Variants in USH2A observed in about 807,000 individuals in gnomAD.
USH2A encodes Usher syndrome 2A (autosomal recessive, mild).
In USH2A, 443 loss-of-function variants were observed where a neutral mutation model predicts 538.9. The observed-to-expected ratio is 0.82, with a 90% CI of 0.76 to 0.89. USH2A has a LOEUF of 0.89. Among genes scored for constraint, USH2A ranks in the 40% least tolerant of loss-of-function variants. The probability of loss-of-function intolerance (pLI) is 0.00; values close to 1 mark genes in which losing one functional copy is unlikely to be tolerated. For missense variants in USH2A, 6,633 were observed against 6,324.8 expected (o/e 1.05, Z -1.65); for synonymous variants, 2,413 against 2,273.5 (o/e 1.06, Z -1.75).
At position 215,759,732 on chromosome 1, in the gene USH2A, T is replaced by G; in HGVS notation, c.11159A>C (p.Asn3720Thr). The change falls in exon 57 of 72, where the codon AAT becomes ACT. Residue 3720 changes from asparagine (N) to threonine (T), a missense_variant. Transcript: ENST00000307340. ...GLVSQYQLSR[N>T]GNLLFLGGSE... ...GCCACCCAGGAAAAGCAAGTTTCCA[T>G]TACGACTCAATTGATATTGAGAAAC... is the stretch of plus-strand genomic sequence containing the variant. 1 of 1,614,100 alleles carries G rather than the reference T, an allele frequency of 6.2e-7. No individual in the cohort carries two copies.
At chr1:216,309,924 A>G (rs2037388683) in intron 9 of USH2A, among the ~76,000 whole-genome samples, 1 of 152,080 alleles carries the variant, frequency 6.6e-6, no homozygotes, top group African/African-American at 2.4e-5. Context: ...AATTATTTTT[A>G]CACATTGCTT....
chr1:216,209,566 T>G (rs1266131380), intron 15 of USH2A, among the ~76,000 whole-genome samples: 3 of 152,226 alleles, frequency 2.0e-5, no homozygotes, highest in Non-Finnish European at 4.4e-5. Flanking sequence ...ATATATGAAC[T>G]CTGTCTAAAA....
intron 11 of USH2A, among the ~76,000 whole-genome samples, chr1:216,259,125 A>G (rs1429029493): frequency 2.0e-5 from 3 of 152,116 alleles, no homozygotes; most frequent in African/African-American, 7.2e-5. Flanking sequence ...TGAAACTTCA[A>G]TCCCCTCATC....
rs1220700562 is a variant in USH2A at position 215,988,702 on chromosome 1, C to G, written c.6805+4318G>C. Among the ~76,000 whole-genome samples, 5 of 152,078 alleles carry G rather than the reference C, an allele frequency of 3.3e-5. No homozygotes were observed. In the East Asian group the frequency reaches 5.8e-4, roughly 18 times the overall value. On this transcript the variant is annotated intron_variant, in intron 35 of 71. Coordinates refer to ENST00000307340, the MANE Select transcript of USH2A (RefSeq NM_206933.4). ...TGTTTTTTTCTTTAATAATGGTAAT[C>G]AACAATTTTTTAACTGAGCAATTAT...
At chr1:216,021,178 A>G (rs1338673220) in intron 32 of USH2A, among the ~76,000 whole-genome samples, 1 of 152,136 alleles carries the variant, frequency 6.6e-6, no homozygotes, top group Non-Finnish European at 1.5e-5. Flanking sequence ...CATGAGGAAC[A>G]AAAACCTCTC....
rs993257932 is a variant in USH2A at position 216,030,866 on chromosome 1, A to C, written c.6325+15565T>G. ...ATACTATTTAGAAAAGAATTTGTAA[A>C]ATTATCAAAGGAATTTTGTCCTTTA... is the stretch of plus-strand genomic sequence containing the variant. On this transcript the variant is annotated intron_variant, in intron 32 of 71. Coordinates refer to ENST00000307340, the MANE Select transcript of USH2A (RefSeq NM_206933.4). Among the ~76,000 whole-genome samples the C allele has an allele frequency of 4.7e-4, 71 of 151,662 alleles. 1 individual carries two copies. Among genetic ancestry groups the C allele is most frequent in the Admixed American group, 7.9e-4 (12 of 15,206 alleles).
chr1:215,877,814 C>T lies in USH2A; in HGVS notation c.8625G>A (p.Arg2875=), dbSNP rs1664812601. 6.2e-7 allele frequency: 1 copy of T among 1,613,814 alleles called. No homozygotes were observed. Among genetic ancestry groups the T allele is most frequent in the Non-Finnish European group, 8.5e-7 (1 of 1,179,754 alleles). Residue 2875 remains arginine, a synonymous_variant, in exon 43 of 72, where the codon CGG becomes CGA. Coordinates refer to ENST00000307340, the MANE Select transcript of USH2A (RefSeq NM_206933.4). The stretch of plus-strand genomic sequence containing the variant: ...GAGTTCCTGAATAAATATTGTGCCA[C>T]CGATTTAAATCTTCTGGGGGATTTG... ...LASNPPEDLN[R]WHNIYSGTQW... is the part of the protein sequence containing the mutation.
chr1:215,944,299 T>C (rs1666706834), intron 37 of USH2A, among the ~76,000 whole-genome samples: 1 of 152,200 alleles, frequency 6.6e-6, no homozygotes, highest in Admixed American at 6.5e-5. Context: ...AGTGTTTACT[T>C]TCTATCCCTT....
intron 47 of USH2A, among the ~76,000 whole-genome samples, chr1:215,824,710 C>T (rs1159792972): frequency 6.6e-6 from 1 of 152,190 alleles, no homozygotes; most frequent in African/African-American, 2.4e-5. Context: ...ACTCCTGATG[C>T]TTCCTGTGGG....
In USH2A at chr1:215,786,851, G is replaced by A; in HGVS notation, c.10206C>T (p.Leu3402=). Residue 3402 remains leucine (L), a synonymous_variant, in exon 52 of 72, where the codon CTC becomes CTT. Coordinates refer to ENST00000307340, the MANE Select transcript of USH2A (RefSeq NM_206933.4). ...MMKETKECRI[L]CPASMEATEH... Reference sequence around the variant, plus strand: ...CTGTGGCTTCCATAGATGCTGGGCAGAGGATCCTGCACTCTTTGGTTTCCT... The same window carrying A: ...CTGTGGCTTCCATAGATGCTGGGCAAAGGATCCTGCACTCTTTGGTTTCCT... 6.2e-7 allele frequency: 1 copy of A among 1,613,924 alleles called. No homozygotes were observed. The highest frequency in any genetic ancestry group is 8.5e-7 in the Non-Finnish European group (1 of 1,179,904).
chr1:216,411,281 A>G (rs536637477), intron 3 of USH2A, among the ~76,000 whole-genome samples: 2 of 152,244 alleles, frequency 1.3e-5, no homozygotes, highest in East Asian at 3.9e-4. Flanking sequence ...GTTCTTATCA[A>G]TTCTCTTTGC....
At chr1:216,323,719 T>C (rs758661881) in intron 7 of USH2A, 24 bp from the exon 8 acceptor site, 2 of 1,609,164 alleles carry the variant, frequency 1.2e-6, no homozygotes, top group South Asian at 1.1e-5. Context: ...AAATTCGATG[T>C]CATGAAAATC....
intron 4 of USH2A, among the ~76,000 whole-genome samples, chr1:216,356,480 A>G (rs1422802866): frequency 6.6e-6 from 1 of 152,140 alleles, no homozygotes; most frequent in African/African-American, 2.4e-5. Context: ...GATTAACATT[A>G]CTAACATTCT....
At chr1:216,033,454 T>C (rs1218091310) in intron 32 of USH2A, among the ~76,000 whole-genome samples, 2 of 152,122 alleles carry the variant, frequency 1.3e-5, no homozygotes, top group Non-Finnish European at 2.9e-5. Context: ...AGTCTGCATG[T>C]AGGAAAAGGC....
In USH2A at chr1:216,072,957, C is replaced by G; in HGVS notation, c.5789G>C (p.Arg1930Pro). 6.2e-7 allele frequency: 1 copy of G among 1,613,664 alleles called. No homozygotes were observed. The highest frequency in any genetic ancestry group is 2.2e-5 in the East Asian group (1 of 44,866). ...GLQPFTEYLY[R>P]VIASHEGGSV... is the part of the protein sequence containing the mutation. ...ACCTCCTTCATGCGAGGCTATCACT[C>G]GATACAGGTATTCTTAAATGGAAAT... The change falls in exon 29 of 72, where the codon CGA becomes CCA. Residue 1930 changes from arginine to proline, a missense_variant. Physicochemically the swap from Arg to Pro is moderately radical, Grantham distance 103 (BLOSUM62 -2). Coordinates refer to ENST00000307340, the MANE Select transcript of USH2A (RefSeq NM_206933.4).
chr1:216,249,790 A>AT (rs2036123851), intron 12 of USH2A, among the ~76,000 whole-genome samples: 2 of 152,104 alleles, frequency 1.3e-5, no homozygotes, highest in Admixed American at 1.3e-4. Context: ...AAAGAATTAG[A>AT]TTTAGAGGTA....
At chr1:216,131,468 T>A (rs555392379) in intron 21 of USH2A, among the ~76,000 whole-genome samples, 407 of 152,248 alleles carry the variant, frequency 2.7e-3, no homozygotes, top group African/African-American at 9.4e-3. Context: ...TGATCCATCT[T>A]GAGTTGATAT....
chr1:216,140,751 A>G (rs1187829549), intron 21 of USH2A, among the ~76,000 whole-genome samples: 2 of 152,112 alleles, frequency 1.3e-5, no homozygotes, highest in Non-Finnish European at 2.9e-5. Context: ...AAACAGGTAC[A>G]TTTTCTCTTA....
At chr1:215,695,153 G>A (rs937102006) in intron 61 of USH2A, among the ~76,000 whole-genome samples, 1 of 152,196 alleles carries the variant, frequency 6.6e-6, no homozygotes, top group African/African-American at 2.4e-5. Context: ...TGAGAAGAAG[G>A]AATGTCAGCT....
Sources: gnomAD v4.1 joint callset for allele counts (sites outside exome capture counted in the v4.1 genomes callset) on GRCh38, gnomAD v4.1.1 for gene constraint, MANE v1.5 for transcripts, NCBI Gene and HGNC (gene_info 2026-07-23, HGNC 2026-07-21) for gene names.